The following RPS6KA2 variants were observed in gnomAD, a reference collection of about 807,000 sequenced individuals.
RPS6KA2 encodes the protein ribosomal protein S6 kinase A2, also known as ribosomal protein S6 kinase alpha-2.
A neutral mutation model predicts 91.8 loss-of-function variants in RPS6KA2; 42 were observed. That is an observed-to-expected ratio of 0.46 (90% confidence interval 0.36 to 0.59). The LOEUF is 0.59. Ranked by LOEUF, RPS6KA2 falls within the 20% of genes least tolerant of loss-of-function variation. RPS6KA2 has a pLI of 0.00. For missense variants in RPS6KA2, 798 were observed against 978.5 expected, an observed-to-expected ratio of 0.82 and a Z score of 2.46; for synonymous variants, 414 against 393.6, an observed-to-expected ratio of 1.05 and a Z score of -0.61.
chr6:166,607,623 G>A (rs1270482970), intron 1 of RPS6KA2, among the ~76,000 whole-genome samples: 1 of 152,082 alleles, frequency 6.6e-6, no homozygotes, highest in Non-Finnish European at 1.5e-5. Context: ...GTCGTGGAGG[G>A]GAAAAGGGGG....
At chr6:166,570,038 C>T (rs1583288611) in intron 1 of RPS6KA2, among the ~76,000 whole-genome samples, 1 of 152,202 alleles carries the variant, frequency 6.6e-6, no homozygotes, top group East Asian at 1.9e-4. Context: ...AGACAATTAT[C>T]ACTTGAAAGA....
chr6:166,577,085 G>C (rs1418303112), intron 1 of RPS6KA2, among the ~76,000 whole-genome samples: 2 of 152,244 alleles, frequency 1.3e-5, no homozygotes, highest in African/African-American at 4.8e-5. Context: ...TGTTGAGCCT[G>C]TGAGTGCACA....
intron 1 of RPS6KA2, among the ~76,000 whole-genome samples, chr6:166,551,622 C>CG (rs1784025138): frequency 6.6e-6 from 1 of 152,166 alleles, no homozygotes; most frequent in African/African-American, 2.4e-5. Flanking sequence ...CATTAAATAG[C>CG]CATCCTTCTT....
At chr6:166,542,117 T>C (rs1162455834) in intron 1 of RPS6KA2, among the ~76,000 whole-genome samples, 2 of 152,208 alleles carry the variant, frequency 1.3e-5, no homozygotes, top group Admixed American at 6.5e-5. Context: ...TGGTGTTCCA[T>C]GGACTCGGCG....
chr6:166,822,781 G>A (rs576143005), intron 2 of RPS6KA2, among the ~76,000 whole-genome samples: 2 of 137,960 alleles, frequency 1.4e-5, no homozygotes, highest in African/African-American at 5.3e-5. Context: ...GGCTCAGCAC[G>A]TGTTTTCCAA....
rs1790568195 is a variant in RPS6KA2, at chr6:166,732,802, C to T, written c.123+125398G>A. Among the ~76,000 whole-genome samples, 1 of 152,126 alleles carries T rather than the reference C, an allele frequency of 6.6e-6. No individual in the cohort carries two copies. On this transcript the variant is annotated intron_variant, in intron 2 of 21. Coordinates refer to the RPS6KA2 transcript ENST00000503859. This position sits in a 1 kb window ranked among gnomAD's most constrained non-coding sequence, Gnocchi z 4.0. ...GATGACAGGGGGATGACAGGGGGAG[C>T]TGTGAAGGCCACCGGAGGCTGAGTC...
chr6:166,510,639 G>A (rs1268859713), intron 3 of RPS6KA2, among the ~76,000 whole-genome samples: 2 of 114,978 alleles, frequency 1.7e-5, no homozygotes, highest in African/African-American at 6.6e-5. Flanking sequence ...AAAATTGTAG[G>A]CAGCACGACA....
chr6:166,652,506 C>T (rs184072860), intron 2 of RPS6KA2, among the ~76,000 whole-genome samples: 40 of 152,176 alleles, frequency 2.6e-4, no homozygotes, highest in Non-Finnish European at 4.1e-4. Context: ...TTCTCGATGG[C>T]GCAACCATGA....
At chr6:166,731,755 C>G (rs1184990285) in intron 2 of RPS6KA2, among the ~76,000 whole-genome samples, 1 of 152,010 alleles carries the variant, frequency 6.6e-6, no homozygotes, top group Non-Finnish European at 1.5e-5. Flanking sequence ...ACACTTACGC[C>G]CAAACCTGGA....
upstream of RPS6KA2, chr6:166,627,900 T>C (rs1786955532): frequency 6.6e-6 from 1 of 152,226 alleles, no homozygotes; most frequent in African/African-American, 2.4e-5. Context: ...GACCGCCGCC[T>C]GCCAGCGGGC....
intron 2 of RPS6KA2, among the ~76,000 whole-genome samples, chr6:166,815,239 AT>A (rs1043268193): frequency 2.0e-5 from 3 of 152,082 alleles, no homozygotes; most frequent in African/African-American, 7.2e-5. Flanking sequence ...AGTCTAGAAA[AT>A]TTTTCATCTC....
In RPS6KA2 at chr6:166,612,723, G is replaced by A. The variant is rs932506867; in HGVS notation, c.99+14198C>T. Among the ~76,000 whole-genome samples the A allele has an allele frequency of 2.0e-5, 3 of 152,190 alleles. No individual in the cohort carries two copies. The highest frequency in any genetic ancestry group is 7.2e-5 in the African/African-American group (3 of 41,454). On this transcript the variant is annotated intron_variant, in intron 1 of 20. Coordinates refer to ENST00000265678, the MANE Select transcript of RPS6KA2 (RefSeq NM_021135.6). This position sits in a 1 kb window ranked among gnomAD's most constrained non-coding sequence, Gnocchi z 4.3. ...AATGCTGAGTGAAGGTAACAGGACT[G>A]TGCAGTTGGGAAGCTCATCTCCTCT...
At chr6:166,862,230 G>A (rs1781062820) in exon 1 of RPS6KA2, 1 of 1,611,654 alleles carries the variant, frequency 6.2e-7, no homozygotes, top group Admixed American at 1.7e-5. Flanking sequence ...ATAAACAGAG[G>A]CTCGGACCGG....
At chr6:166,458,590 C>G (rs1028078712) in intron 12 of RPS6KA2, among the ~76,000 whole-genome samples, 3 of 152,160 alleles carry the variant, frequency 2.0e-5, no homozygotes, top group African/African-American at 7.2e-5. Flanking sequence ...TCCAAGAGGA[C>G]TAGTGTCCTT....
intron 2 of RPS6KA2, among the ~76,000 whole-genome samples, chr6:166,728,193 T>C (rs996460711): frequency 1.3e-5 from 2 of 152,196 alleles, no homozygotes; most frequent in African/African-American, 4.8e-5. Context: ...TGGAACCAGA[T>C]GCAGAGGGGT....
chr6:166,782,886 G>C (rs1003929458), intron 2 of RPS6KA2, among the ~76,000 whole-genome samples: 1 of 151,474 alleles, frequency 6.6e-6, no homozygotes, highest in Non-Finnish European at 1.5e-5. Context: ...TTCTTCCTCT[G>C]CTCTGGGTGA....
chr6:166,647,041 C>G (rs1787627900), intron 2 of RPS6KA2, among the ~76,000 whole-genome samples: 2 of 152,242 alleles, frequency 1.3e-5, no homozygotes, highest in African/African-American at 4.8e-5. Flanking sequence ...CCGTGGATGT[C>G]CTCCAGGCAC....
Position 166,423,868 on chromosome 6 carries a change from CT to C in RPS6KA2, c.1582-452del, listed in dbSNP as rs1778818661. 1.3e-5 allele frequency: 2 copies of C among 153,514 alleles called. No individual in the cohort carries two copies. The highest frequency in any genetic ancestry group is 1.3e-4 in the Admixed American group (2 of 15,390). The allele number at this position is 153,514 out of a possible 1,614,324, so 9.5% of individuals were successfully genotyped here. A position where few individuals can be genotyped will look rare whatever the true frequency, so the allele number is the denominator to read the frequency against. On this transcript the variant is annotated intron_variant, in intron 16 of 20. Transcript: ENST00000265678. The surrounding 1 kb of genome is among the most constrained non-coding windows in gnomAD (Gnocchi z 4.8). ...CCAGTGAGCAGCACAGATCAGGCAC[CT>C]GCTGTCCTGGGTGCAGCAACTCGTT...
chr6:166,476,017 T>C (rs1254991985), intron 10 of RPS6KA2, among the ~76,000 whole-genome samples: 1 of 152,184 alleles, frequency 6.6e-6, no homozygotes, highest in Non-Finnish European at 1.5e-5. Context: ...TGTCTCACAA[T>C]GTGACCACAT....
Sources: allele counts gnomAD v4.1 joint callset (sites outside exome capture counted in the v4.1 genomes callset), GRCh38; gene constraint gnomAD v4.1.1; non-coding constraint Gnocchi (gnomAD v3.1); transcripts MANE v1.5; gene names NCBI Gene and HGNC (gene_info 2026-07-23, HGNC 2026-07-21).